Variants in PSMB6 observed in about 807,000 individuals in gnomAD.
PSMB6 encodes proteasome subunit beta type-6.
A neutral mutation model predicts 28.2 loss-of-function variants in PSMB6; 11 were observed. That is an observed-to-expected ratio of 0.39 (90% CI 0.25 to 0.65). The LOEUF (loss-of-function observed/expected upper bound fraction) is 0.65. PSMB6 is among the 30% of genes least tolerant of loss of function. PSMB6 has a pLI of 0.48. For missense variants in PSMB6, 268 were observed against 319.4 expected (o/e 0.84, Z 1.23); for synonymous variants, 126 against 117.7 (o/e 1.07, Z -0.45).
intron 1 of PSMB6, 45 bp from the exon 2 acceptor site, chr17:4,796,683 T>G (rs1173282245): frequency 4.7e-6 from 7 of 1,493,558 alleles, no homozygotes; most frequent in Non-Finnish European, 6.5e-6. Context: ...TTGAGGTTTG[T>G]GTCTGCTGGA....
chr17:4,798,048 T>C lies in PSMB6; in HGVS notation c.472T>C (p.Ser158Pro). ...TATGGGGGGTATGATGGTAAGGCAG[T>C]CCTTTGCCATTGGAGGCTCCGGGAG... ...VPMGGMMVRQ[S>P]FAIGGSGSSY... Residue 158 changes from serine to proline, a missense_variant, in exon 5 of 6, where the codon TCC (serine) becomes CCC (proline). By Grantham distance (74) the Ser-to-Pro change is moderately conservative. Coordinates refer to ENST00000270586, the MANE Select transcript of PSMB6 (RefSeq NM_002798.3). 1 of 1,614,148 alleles carries C rather than the reference T, an allele frequency of 6.2e-7. No homozygotes were observed.
Position 4,796,313 on chromosome 17 carries a change from G to A in PSMB6, c.102+17G>A. The A allele has an allele frequency of 6.5e-7, 1 of 1,549,150 alleles. No homozygotes were observed. The highest frequency in any genetic ancestry group is 8.8e-7 in the Non-Finnish European group (1 of 1,142,052). On this transcript the variant is annotated intron_variant, in intron 1 of 5. Coordinates refer to ENST00000270586, the MANE Select transcript of PSMB6 (RefSeq NM_002798.3). The stretch of plus-strand genomic sequence containing the variant: ...TCCACTGGGGTGAGGAAGGAATCGG[G>A]GTTCATAGGACGTGCACAAGGCCTG...
At position 4,796,175 on chromosome 17, in the gene PSMB6, G is replaced by A. The variant is rs920283823; in HGVS notation, c.-20G>A. 2.1e-5 allele frequency: 33 copies of A among 1,563,808 alleles called. No homozygotes were observed. The African/African-American group carries it at 3.4e-4, about 16-fold the overall frequency. On this transcript the variant is annotated 5_prime_UTR_variant, in exon 1 of 6. Coordinates refer to ENST00000270586, the MANE Select transcript of PSMB6 (RefSeq NM_002798.3). The stretch of plus-strand genomic sequence containing the variant: ...GAGCGCTTTACGACAGTTGCTTTGA[G>A]GCAGTACCGGAGGAGAAAGATGGCG...
rs373547893 is a variant in PSMB6, at chr17:4,798,171, T to G, written c.577+18T>G. 128 of 1,614,030 alleles carry G rather than the reference T, an allele frequency of 7.9e-5. No individual in the cohort carries two copies. The highest frequency in any genetic ancestry group is 9.9e-5 in the Non-Finnish European group (117 of 1,179,992). Reference sequence around the variant, plus strand: ...TGCCAATGGTGAGAGCTTAGGCTTCTGGGCCTATGAGCTTCAACCCCAACT... The same window carrying G: ...TGCCAATGGTGAGAGCTTAGGCTTCGGGGCCTATGAGCTTCAACCCCAACT... On this transcript the variant is annotated intron_variant, in intron 5 of 5. Coordinates refer to ENST00000270586, the MANE Select transcript of PSMB6 (RefSeq NM_002798.3).
chr17:4,798,145 C>T lies in PSMB6; in HGVS notation c.569C>T (p.Thr190Ile). 6.2e-7 allele frequency: 1 copy of T among 1,614,196 alleles called. No homozygotes were observed. The highest frequency in any genetic ancestry group is 2.2e-5 in the East Asian group (1 of 44,886). ...ACCAAGGAAGAGTGTCTGCAATTCA[C>T]TGCCAATGGTGAGAGCTTAGGCTTC... ...GMTKEECLQF[T>I]ANALALAMER... is the part of the protein sequence containing the mutation. Residue 190 changes from threonine to isoleucine, a missense_variant, in exon 5 of 6, where the codon ACT becomes ATT. Transcript: ENST00000270586.
rs1420941869 is a variant in PSMB6 at position 4,798,340 on chromosome 17, T to G, written c.638T>G (p.Ile213Ser). ...SSGGVIRLAA[I>S]AESGVERQVL... The stretch of plus-strand genomic sequence containing the variant: ...GGAGGAGTGATCCGCCTGGCAGCCA[T>G]TGCAGAGTCAGGGGTAGAGCGGCAA... The change falls in exon 6 of 6, where the codon ATT becomes AGT. Residue 213 changes from isoleucine to serine, a missense_variant. Physicochemically the swap from Ile to Ser is moderately radical, Grantham distance 142 (BLOSUM62 -2). Coordinates refer to ENST00000270586, the MANE Select transcript of PSMB6 (RefSeq NM_002798.3). 4 of 1,614,112 alleles carry G rather than the reference T, an allele frequency of 2.5e-6. No homozygotes were observed. The highest frequency in any genetic ancestry group is 1.6e-4 in the Middle Eastern group (1 of 6,084).
chr17:4,797,406 G>A (rs375214046), intron 2 of PSMB6, 32 bp from the exon 3 acceptor site: 366 of 1,529,552 alleles, frequency 2.4e-4, no homozygotes, highest in Non-Finnish European at 3.2e-4. Context: ...AGACAGGTGG[G>A]CTCCTTTCCT....
chr17:4,796,961 C>T (rs1567517170), intron 2 of PSMB6, 166 bp downstream of exon 2: 6 of 642,542 alleles, frequency 9.3e-6, no homozygotes, highest in South Asian at 5.6e-5. Flanking sequence ...TCCCCTCACT[C>T]GTTAGTGGAA....
chr17:4,796,707 C>A (rs772343845), intron 1 of PSMB6, 21 bp from the exon 2 acceptor site: 1 of 1,572,146 alleles, frequency 6.4e-7, no homozygotes, highest in East Asian at 2.2e-5. Context: ...TGTAGACTTA[C>A]TCCTTTTTCC....
chr17:4,796,723 C>T lies in PSMB6; in HGVS notation c.103-5C>T, dbSNP rs1425473421. ...GTAGACTTACTCCTTTTTCCCTTTT[C>T]CCAGACCACTATCATGGCCGTGCAG... is the stretch of plus-strand genomic sequence containing the variant. On this transcript the variant is annotated splice_polypyrimidine_tract_variant and splice_region_variant and intron_variant, in intron 1 of 5. Transcript: ENST00000270586. The T allele has an allele frequency of 1.3e-6, 2 of 1,599,746 alleles. No individual in the cohort carries two copies. The highest frequency in any genetic ancestry group is 1.7e-6 in the Non-Finnish European group (2 of 1,167,196).
intron 1 of PSMB6, among the ~76,000 whole-genome samples, 199 bp from the exon 2 acceptor site, chr17:4,796,529 T>A (rs1321743417): frequency 6.6e-6 from 1 of 152,004 alleles, no homozygotes; most frequent in Admixed American, 6.6e-5. Flanking sequence ...CTAGTGAGGA[T>A]CTTGGGCTTA....
In PSMB6 at chr17:4,797,777, T is replaced by C. The variant is rs1191482242; in HGVS notation, c.398T>C (p.Ile133Thr). Residue 133 changes from isoleucine to threonine, a missense_variant, in exon 4 of 6, where the codon ATC becomes ACC. Ile to Thr is a moderately conservative substitution (Grantham distance 89). Coordinates refer to ENST00000270586, the MANE Select transcript of PSMB6 (RefSeq NM_002798.3). ...CGGGAAGACCTGATGGCGGGAATCA[T>C]CATCGCAGGCTGGGACCCTCAAGAA... ...RYREDLMAGI[I>T]IAGWDPQEGG... 1 of 1,614,012 alleles carries C rather than the reference T, an allele frequency of 6.2e-7. No homozygotes were observed. Among genetic ancestry groups the C allele is most frequent in the Non-Finnish European group, 8.5e-7 (1 of 1,180,016 alleles).
At chr17:4,796,837 T>G (rs1174243358) in intron 2 of PSMB6, 42 bp downstream of exon 2, 1 of 1,512,744 alleles carries the variant, frequency 6.6e-7, no homozygotes, top group Non-Finnish European at 9.2e-7. Flanking sequence ...CCCATCTTCC[T>G]TTTCCTTTCC....
intron 2 of PSMB6, 141 bp downstream of exon 2, chr17:4,796,936 T>C (rs893516249): frequency 1.3e-6 from 1 of 763,408 alleles, no homozygotes; most frequent in Non-Finnish European, 2.2e-6. Flanking sequence ...TGTCCCAACT[T>C]TTGTTACTTT....
At chr17:4,796,413 C>A in intron 1 of PSMB6, 117 bp downstream of exon 1, 1 of 881,088 alleles carries the variant, frequency 1.1e-6, no homozygotes. Flanking sequence ...ATGTGTTGTG[C>A]TCCAGGAATG....
At chr17:4,796,908 T>A in intron 2 of PSMB6, 113 bp downstream of exon 2, 1 of 887,214 alleles carries the variant, frequency 1.1e-6, no homozygotes, top group Non-Finnish European at 1.8e-6. Context: ...GTTTCTTCTC[T>A]CTCTGGAGAT....
chr17:4,796,335 C>G (rs1236004680), intron 1 of PSMB6, 39 bp downstream of exon 1: 2 of 1,470,886 alleles, frequency 1.4e-6, no homozygotes, highest in Non-Finnish European at 1.9e-6. Context: ...GTGCACAAGG[C>G]CTGACGCGAT....
At position 4,797,454 on chromosome 17, in the gene PSMB6, C is replaced by A. The variant is rs748430072; in HGVS notation, c.187C>A (p.Arg63=). 6.4e-7 allele frequency: 1 copy of A among 1,574,402 alleles called. No homozygotes were observed. Among genetic ancestry groups the A allele is most frequent in the South Asian group, 1.2e-5 (1 of 85,792 alleles). The change falls in exon 3 of 6, where the codon CGA becomes AGA. Residue 63 remains arginine, a synonymous_variant. Transcript: ENST00000270586. ...RTTTGSYIAN[R]VTDKLTPIHD... is the part of the protein sequence containing the mutation. ...ATCCTGCAGGTCCTACATCGCCAAT[C>A]GAGTGACTGACAAGCTGACACCTAT...
chr17:4,797,562 T>A lies in PSMB6; in HGVS notation c.295T>A (p.Phe99Ile), dbSNP rs1354753654. 1 of 1,597,870 alleles carries A rather than the reference T, an allele frequency of 6.3e-7. No individual in the cohort carries two copies. Among genetic ancestry groups the A allele is most frequent in the Non-Finnish European group, 8.6e-7 (1 of 1,169,516 alleles). The change falls in exon 3 of 6, where the codon TTC becomes ATC. Residue 99 changes from phenylalanine (F) to isoleucine (I), a missense_variant. Coordinates refer to ENST00000270586, the MANE Select transcript of PSMB6 (RefSeq NM_002798.3). ...VADAVTYQLG[F>I]HSIELNEPPL... is the part of the protein sequence containing the mutation. Reference sequence around the variant, plus strand: ...TGATGCTGTCACCTACCAGCTCGGTTTCCACAGGTGCTTGTGGGCAGGGGA... The same window carrying A: ...TGATGCTGTCACCTACCAGCTCGGTATCCACAGGTGCTTGTGGGCAGGGGA...
Sources: gnomAD v4.1 joint callset for allele counts (sites outside exome capture counted in the v4.1 genomes callset) on GRCh38, gnomAD v4.1.1 for gene constraint, MANE v1.5 for transcripts, NCBI Gene and HGNC (gene_info 2026-07-23, HGNC 2026-07-21) for gene names.